Variants in MARCHF7 observed in about 807,000 individuals in gnomAD.
MARCHF7 encodes the protein E3 ubiquitin-protein ligase MARCHF7.
Under a neutral mutation model 76.5 loss-of-function variants are expected in MARCHF7, and 20 were observed. The observed-to-expected ratio is 0.26, with a 90% CI of 0.18 to 0.38. The LOEUF is 0.38. MARCHF7 is among the 10% of genes least tolerant of loss of function. The pLI is 1.00. For missense variants in MARCHF7, 797 were observed against 812.9 expected (o/e 0.98, Z 0.24); for synonymous variants, 295 against 293.0 (o/e 1.01, Z -0.07).
At position 159,739,135 on chromosome 2, in the gene MARCHF7, C is replaced by T. The variant is rs1397583980; in HGVS notation, c.154-3926C>T. 2.0e-5 allele frequency among the ~76,000 whole-genome samples: 3 copies of T among 152,210 alleles called. No individual in the cohort carries two copies. In the East Asian group the frequency reaches 5.8e-4, roughly 29 times the overall value. On this transcript the variant is annotated intron_variant, in intron 4 of 11. Transcript: ENST00000409175. ...GGGGCGGGAAGGGAGGCTTCTCAGGCCCCTGAGAGCACAGGGATACCCAAG... is the reference window on the plus strand; with the variant it reads ...GGGGCGGGAAGGGAGGCTTCTCAGGTCCCTGAGAGCACAGGGATACCCAAG...
At chr2:159,754,403 C>A (rs1192908120) in intron 8 of MARCHF7, among the ~76,000 whole-genome samples, 1 of 151,990 alleles carries the variant, frequency 6.6e-6, no homozygotes, top group Non-Finnish European at 1.5e-5. Context: ...CATAGATGTT[C>A]TTGGTGGTTT....
chr2:159,764,336 C>T (rs920118631), intron 10 of MARCHF7, among the ~76,000 whole-genome samples: 3 of 149,416 alleles, frequency 2.0e-5, no homozygotes, highest in Admixed American at 6.7e-5. Context: ...TCCTCCATTT[C>T]GTAATTTTTT....
chr2:159,721,013 A>C (rs1246458983), intron 3 of MARCHF7, among the ~76,000 whole-genome samples: 6 of 146,832 alleles, frequency 4.1e-5, no homozygotes, highest in Non-Finnish European at 8.9e-5. Flanking sequence ...GCGAGCCACC[A>C]CACACGGCTA....
intron 3 of MARCHF7, among the ~76,000 whole-genome samples, chr2:159,717,668 A>T (rs1399203358): frequency 6.6e-6 from 1 of 152,186 alleles, no homozygotes; most frequent in Non-Finnish European, 1.5e-5. Context: ...TCTCCTTAGG[A>T]CTTCTGTAAT....
chr2:159,721,152 A>G (rs374144606), intron 3 of MARCHF7, among the ~76,000 whole-genome samples: 17 of 151,960 alleles, frequency 1.1e-4, no homozygotes, highest in African/African-American at 3.9e-4. Flanking sequence ...GGCATGAGCC[A>G]CCACACTGGG....
intron 3 of MARCHF7, among the ~76,000 whole-genome samples, chr2:159,718,447 G>A (rs1362593599): frequency 2.6e-5 from 4 of 152,078 alleles, no homozygotes; most frequent in African/African-American, 7.2e-5. Context: ...TGTTAGACTG[G>A]TTATTTTATG....
intron 4 of MARCHF7, among the ~76,000 whole-genome samples, chr2:159,734,318 G>C (rs1420656933): frequency 7.4e-6 from 1 of 134,926 alleles, no homozygotes; most frequent in East Asian, 2.1e-4. Context: ...TAAAGTTATT[G>C]ATACCTTTTT....
chr2:159,736,254 GTC>G (rs1366400543), intron 4 of MARCHF7, among the ~76,000 whole-genome samples: 3 of 152,196 alleles, frequency 2.0e-5, no homozygotes, highest in East Asian at 1.9e-4. Flanking sequence ...GAAGATTCCA[GTC>G]TCTCCACATT....
intron 3 of MARCHF7, among the ~76,000 whole-genome samples, chr2:159,728,013 A>G (rs571485000): frequency 6.6e-6 from 1 of 152,358 alleles, no homozygotes; most frequent in South Asian, 2.1e-4. Flanking sequence ...CATAAATAGA[A>G]TCATACTGTA....
intron 3 of MARCHF7, among the ~76,000 whole-genome samples, chr2:159,719,699 G>C (rs1701418871): frequency 6.6e-6 from 1 of 151,910 alleles, no homozygotes; most frequent in Non-Finnish European, 1.5e-5. Flanking sequence ...GTTGACATTG[G>C]GGCTATGTCT....
At chr2:159,733,720 T>C in intron 4 of MARCHF7, 1 of 985,434 alleles carries the variant, frequency 1.0e-6, no homozygotes, top group Non-Finnish European at 1.2e-6. Context: ...GAACACCTTA[T>C]ATAGTGCTTG....
At chr2:159,713,230 G>A (rs572921772) in intron 1 of MARCHF7, among the ~76,000 whole-genome samples, 2 of 152,222 alleles carry the variant, frequency 1.3e-5, no homozygotes, top group Non-Finnish European at 2.9e-5. Context: ...GTAGGTGATT[G>A]TATTAAAAAT....
intron 8 of MARCHF7, among the ~76,000 whole-genome samples, chr2:159,756,749 G>GTAGGAC (rs1242931407): frequency 8.9e-5 from 13 of 145,898 alleles, no homozygotes; most frequent in Admixed American, 7.5e-4. Flanking sequence ...AGATTCTTAA[G>GTAGGAC]TAGGACTAGG....
At chr2:159,712,683 T>A (rs550537186) in intron 1 of MARCHF7, 77 bp downstream of exon 1, 3 of 152,344 alleles carry the variant, frequency 2.0e-5, no homozygotes, top group Admixed American at 2.0e-4. Context: ...CGGAGCTAGT[T>A]CTTCTCCGTC....
intron 6 of MARCHF7, among the ~76,000 whole-genome samples, chr2:159,746,313 C>T (rs762077367): frequency 2.0e-5 from 3 of 152,190 alleles, no homozygotes; most frequent in Non-Finnish European, 4.4e-5. Flanking sequence ...GTTGAAATCA[C>T]CATTTTAAGG....
At chr2:159,741,330 A>AGTGGC (rs1704096887) in intron 4 of MARCHF7, among the ~76,000 whole-genome samples, 2 of 152,310 alleles carry the variant, frequency 1.3e-5, no homozygotes, top group South Asian at 4.1e-4. Context: ...CAGCCTGGGC[A>AGTGGC]ACAGAGTGAG....
At chr2:159,751,465 A>G (rs1705637530) in intron 7 of MARCHF7, among the ~76,000 whole-genome samples, 1 of 152,236 alleles carries the variant, frequency 6.6e-6, no homozygotes, top group East Asian at 1.9e-4. Context: ...TGTAAATACC[A>G]TGTTTTCAAT....
In MARCHF7 at chr2:159,748,782, G is replaced by A. The variant is rs149065142; in HGVS notation, c.1492G>A (p.Asp498Asn). The part of the protein sequence containing the change: ...VPPALGSNLT[D>N]NVMITVDIIP... ...TCCAGCACTTGGGAGTAATTTGACCGACAATGTCATGATCACAGTAGATAT... is the reference window on the plus strand; with the variant it reads ...TCCAGCACTTGGGAGTAATTTGACCAACAATGTCATGATCACAGTAGATAT... The change falls in exon 7 of 12, where the codon GAC becomes AAC. Residue 498 changes from aspartate to asparagine, a missense_variant. This residue lies in a region of MARCHF7 where 643 missense variants were observed against 631.5 expected (regional missense o/e 1.02). Transcript: ENST00000409175. The A allele has an allele frequency of 6.7e-5, 108 of 1,614,072 alleles. 2 individuals are homozygous for A. The African/African-American group carries it at 8.4e-4, about 13-fold the overall frequency.
intron 8 of MARCHF7, among the ~76,000 whole-genome samples, chr2:159,755,832 G>C (rs1181031363): frequency 6.6e-6 from 1 of 152,194 alleles, no homozygotes; most frequent in African/African-American, 2.4e-5. Context: ...TGTTGGAGGA[G>C]TTGGGTTCAA....
Sources: allele counts gnomAD v4.1 joint callset (sites outside exome capture counted in the v4.1 genomes callset), GRCh38; gene constraint gnomAD v4.1.1; regional missense constraint gnomAD v4.1.1; transcripts MANE v1.5; gene names NCBI Gene and HGNC (gene_info 2026-07-23, HGNC 2026-07-21).